Variants in DUSP29 observed in about 807,000 individuals in gnomAD.
DUSP29 encodes atypical dual-specific protein phosphatase.
In DUSP29, 12 loss-of-function variants were observed where a neutral mutation model predicts 13.5. The observed-to-expected ratio is 0.89, with a 90% CI of 0.57 to 1.44. The LOEUF (loss-of-function observed/expected upper bound fraction) is 1.44, where lower values mean the gene tolerates loss of function less well. Among genes scored for constraint, DUSP29 ranks in the 40% most tolerant of loss-of-function variants. The pLI, the probability that DUSP29 is intolerant of heterozygous loss-of-function variation, is 0.00. For synonymous variants in DUSP29, 134 were observed against 128.7 expected (o/e 1.04, Z -0.28); for missense variants, 308 against 301.1 (o/e 1.02, Z -0.17).
At chr10:75,052,587 G>A (rs770322602) in intron 2 of DUSP29, among the ~76,000 whole-genome samples, 15 of 152,158 alleles carry the variant, frequency 9.9e-5, no homozygotes, top group African/African-American at 2.2e-4. Flanking sequence ...GATTACAGGC[G>A]TGAGCCAACG....
At chr10:75,039,686 T>C (rs571592002) in intron 3 of DUSP29, among the ~76,000 whole-genome samples, 14 of 152,302 alleles carry the variant, frequency 9.2e-5, no homozygotes, top group African/African-American at 3.1e-4. Context: ...GACTCCTTCC[T>C]TGCTTTCAGG....
At chr10:75,065,521 G>A (rs1278830050) in intron 1 of DUSP29, among the ~76,000 whole-genome samples, 2 of 151,962 alleles carry the variant, frequency 1.3e-5, no homozygotes, top group Non-Finnish European at 2.9e-5. Context: ...TAAAGACAGG[G>A]TTTCACCATG....
chr10:75,052,300 C>CTT lies in DUSP29; in HGVS notation c.200+6013_200+6014dup, dbSNP rs751523419. ...TAACTATAATATTTGCATTTGTCTA[C>CTT]TTTTTTTTTTTTTTTTTTTTTTCTT... On this transcript the variant is annotated intron_variant, in intron 2 of 3. Transcript: ENST00000338487. Among the ~76,000 whole-genome samples the CTT allele has an allele frequency of 5.7e-3, 708 of 124,898 alleles. 11 individuals carry two copies. Among genetic ancestry groups the CTT allele is most frequent in the African/African-American group, 0.02 (654 of 32,042 alleles). 81.9% of individuals were successfully genotyped at this position (124,898 alleles called of 152,430 possible).
chr10:75,064,596 C>A (rs11001274), intron 1 of DUSP29, among the ~76,000 whole-genome samples: 11 of 151,960 alleles, frequency 7.2e-5, no homozygotes, highest in Non-Finnish European at 1.6e-4. Context: ...TGGGCTCAAG[C>A]GTTCCTCCTG....
intron 1 of DUSP29, among the ~76,000 whole-genome samples, chr10:75,070,885 G>C (rs778535021): frequency 2.0e-5 from 3 of 152,214 alleles, no homozygotes; most frequent in Admixed American, 1.3e-4. Context: ...AAACGTGAAT[G>C]GTCACCAGAA....
At position 75,050,729 on chromosome 10, in the gene DUSP29, T is replaced by C. The variant is rs563047467; in HGVS notation, c.201-6712A>G. Among the ~76,000 whole-genome samples, 11 of 152,324 alleles carry C rather than the reference T, an allele frequency of 7.2e-5. No individual in the cohort carries two copies. In the South Asian group the frequency reaches 1.9e-3, roughly 26 times the overall value. On this transcript the variant is annotated intron_variant, in intron 2 of 3. Transcript: ENST00000338487. ...TCCACTTGTGGCAGATTCAGACCCCTATCGAGTTAGAGGAATGAGTGGGGA... is the reference window on the plus strand; with the variant it reads ...TCCACTTGTGGCAGATTCAGACCCCCATCGAGTTAGAGGAATGAGTGGGGA...
At chr10:75,063,511 G>T (rs1847133544) in intron 1 of DUSP29, among the ~76,000 whole-genome samples, 1 of 152,108 alleles carries the variant, frequency 6.6e-6, no homozygotes, top group Non-Finnish European at 1.5e-5. Flanking sequence ...AGAGGCAGGA[G>T]TTGGTGGATA....
At chr10:75,068,141 T>C (rs1847243481) in intron 1 of DUSP29, among the ~76,000 whole-genome samples, 1 of 152,070 alleles carries the variant, frequency 6.6e-6, no homozygotes, top group Non-Finnish European at 1.5e-5. Flanking sequence ...AAAAATTATA[T>C]ACATATAACA....
chr10:75,048,398 C>CTTT (rs549203411), intron 2 of DUSP29, among the ~76,000 whole-genome samples: 2 of 126,320 alleles, frequency 1.6e-5, no homozygotes, highest in African/African-American at 5.9e-5. Flanking sequence ...CTTTTTTTTT[C>CTTT]TTTTTTTTTT....
intron 1 of DUSP29, among the ~76,000 whole-genome samples, chr10:75,070,065 AGAAGAAAG>A (rs1431599392): frequency 5.2e-5 from 7 of 134,542 alleles, no homozygotes; most frequent in African/African-American, 8.7e-5. Context: ...AAAGAAAGAA[AGAAGAAAG>A]GAAGGAAGGA....
At chr10:75,049,699 G>C (rs942981026) in intron 2 of DUSP29, among the ~76,000 whole-genome samples, 2 of 152,232 alleles carry the variant, frequency 1.3e-5, no homozygotes, top group African/African-American at 4.8e-5. Context: ...ATTCGTGCTC[G>C]GTGCCTTAAG....
intron 3 of DUSP29, among the ~76,000 whole-genome samples, chr10:75,043,553 G>T (rs1846630033): frequency 6.6e-6 from 1 of 152,216 alleles, no homozygotes; most frequent in Admixed American, 6.5e-5. Context: ...AGCTTCCAGG[G>T]GCTCGGACCT....
chr10:75,073,584 C>T lies in DUSP29; in HGVS notation c.-50G>A, dbSNP rs1564648498. On this transcript the variant is annotated 5_prime_UTR_variant, in exon 1 of 4. Coordinates refer to ENST00000338487, the MANE Select transcript of DUSP29 (RefSeq NM_001003892.3). ...GCGGCCTTACCTGGGTGTGCCGGGG[C>T]CTGGCCGCGTCGGGAGGTTCTGGTC... is the stretch of plus-strand genomic sequence containing the variant. 6.6e-6 allele frequency among the ~76,000 whole-genome samples: 1 copy of T among 152,220 alleles called. No homozygotes were observed. The highest frequency in any genetic ancestry group is 1.5e-5 in the Non-Finnish European group (1 of 68,034).
intron 1 of DUSP29, among the ~76,000 whole-genome samples, chr10:75,058,942 C>T (rs1338072859): frequency 4.6e-5 from 7 of 152,160 alleles, no homozygotes; most frequent in African/African-American, 1.7e-4. Flanking sequence ...ATAGGAAGGC[C>T]CAGAAGATTC....
chr10:75,071,040 T>C (rs1207221639), intron 1 of DUSP29, among the ~76,000 whole-genome samples: 1 of 151,528 alleles, frequency 6.6e-6, no homozygotes, highest in East Asian at 1.9e-4. Context: ...TTGAGAGGAG[T>C]AGGAGAGTGA....
In DUSP29 at chr10:75,068,458, C is replaced by T. The variant is rs572080926; in HGVS notation, c.-35+5111G>A. 2.6e-5 allele frequency among the ~76,000 whole-genome samples: 4 copies of T among 152,326 alleles called. No individual in the cohort carries two copies. The South Asian group carries it at 8.3e-4, about 32-fold the overall frequency. ...TGCCACTGCACTCCAGCCTGGATGACAGAGTGAGAACCTTCTAAATATGAA... is the reference window on the plus strand; with the variant it reads ...TGCCACTGCACTCCAGCCTGGATGATAGAGTGAGAACCTTCTAAATATGAA... On this transcript the variant is annotated intron_variant, in intron 1 of 3. Transcript: ENST00000338487.
chr10:75,060,929 G>A (rs1847074901), intron 1 of DUSP29, among the ~76,000 whole-genome samples: 1 of 152,212 alleles, frequency 6.6e-6, no homozygotes, highest in African/African-American at 2.4e-5. Context: ...AATATAGTTG[G>A]AAAATATAAA....
At chr10:75,061,315 A>G (rs1355088284) in intron 1 of DUSP29, among the ~76,000 whole-genome samples, 1 of 152,196 alleles carries the variant, frequency 6.6e-6, no homozygotes, top group African/African-American at 2.4e-5. Flanking sequence ...ATCACTAGCT[A>G]GCCATGAGTG....
intron 3 of DUSP29, among the ~76,000 whole-genome samples, chr10:75,041,255 G>A (rs2134280463): frequency 6.6e-6 from 1 of 152,338 alleles, no homozygotes; most frequent in South Asian, 2.1e-4. Flanking sequence ...CGGGCATTTT[G>A]TTTGGTTGCT....
Sources: gnomAD v4.1 joint callset for allele counts (sites outside exome capture counted in the v4.1 genomes callset) on GRCh38, gnomAD v4.1.1 for gene constraint, MANE v1.5 for transcripts, NCBI Gene and HGNC (gene_info 2026-07-23, HGNC 2026-07-21) for gene names.